NTM: variants seen among roughly 807,000 people sequenced by gnomAD.
NTM encodes neurotrimin, also known as IgLON family member 2.
Under a neutral mutation model 42.1 loss-of-function variants are expected in NTM, and 13 were observed. That is an observed-to-expected ratio of 0.31 (90% CI 0.20 to 0.49). The LOEUF is 0.49. NTM is among the 20% of genes least tolerant of loss of function. The probability of loss-of-function intolerance (pLI) is 0.99; values close to 1 mark genes in which losing one functional copy is unlikely to be tolerated. For synonymous variants in NTM, 187 were observed against 179.2 expected (o/e 1.04, Z -0.35); for missense variants, 373 against 452.8 (o/e 0.82, Z 1.60).
At chr11:131,969,415 G>A (rs566835072) in intron 2 of NTM, among the ~76,000 whole-genome samples, 7 of 152,174 alleles carry the variant, frequency 4.6e-5, no homozygotes, top group Non-Finnish European at 1.0e-4. Context: ...TGAATCATAT[G>A]TACTTGTTCA....
intron 1 of NTM, among the ~76,000 whole-genome samples, chr11:131,414,447 C>T (rs1232546499): frequency 6.6e-6 from 1 of 152,158 alleles, no homozygotes; most frequent in African/African-American, 2.4e-5. Context: ...CAAGTTTCTC[C>T]CATGATGAGT....
intron 2 of NTM, among the ~76,000 whole-genome samples, chr11:132,039,956 G>A (rs542326806): frequency 4.0e-5 from 6 of 151,812 alleles, no homozygotes; most frequent in East Asian, 1.9e-4. Flanking sequence ...ACAGAGTCTC[G>A]CTCTGTCACC....
chr11:131,768,161 C>T (rs556195485), intron 1 of NTM, among the ~76,000 whole-genome samples: 3 of 144,210 alleles, frequency 2.1e-5, no homozygotes, highest in African/African-American at 7.7e-5. Context: ...TTGCTCTTGT[C>T]GCCCAGGCTG....
At chr11:132,017,524 T>G (rs1284363106) in intron 2 of NTM, among the ~76,000 whole-genome samples, 1 of 152,090 alleles carries the variant, frequency 6.6e-6, no homozygotes, top group Non-Finnish European at 1.5e-5. Flanking sequence ...TCTAAATTTC[T>G]AACTTTGCAT....
At chr11:131,686,296 G>A (rs557089628) in intron 1 of NTM, among the ~76,000 whole-genome samples, 1 of 152,202 alleles carries the variant, frequency 6.6e-6, no homozygotes, top group South Asian at 2.1e-4. Context: ...ATAATTTACT[G>A]TTGCCCAGAA....
rs541251130 is a variant in NTM, at chr11:131,953,191, CA to C, written c.167+41545del. Among the ~76,000 whole-genome samples, 535 of 152,238 alleles carry C rather than the reference CA, an allele frequency of 3.5e-3. 2 individuals are homozygous for C. The highest frequency in any genetic ancestry group is 0.01 in the Middle Eastern group (3 of 294). ...AAGACCGGACCATCTGTTGCCATGG[CA>C]ACATTCATTGGTTTTACAATAAACA... On this transcript the variant is annotated intron_variant, in intron 2 of 8. Transcript: ENST00000683400.
At chr11:132,253,275 A>G (rs896199620) in intron 4 of NTM, among the ~76,000 whole-genome samples, 4 of 152,132 alleles carry the variant, frequency 2.6e-5, no homozygotes, top group African/African-American at 9.7e-5. Context: ...AATCCTCACT[A>G]TGATCCCACA....
intron 5 of NTM, 38 bp downstream of exon 5, chr11:132,307,861 C>T: frequency 6.2e-7 from 1 of 1,600,466 alleles, no homozygotes; most frequent in Non-Finnish European, 8.5e-7. Context: ...GCACGTGCAT[C>T]AGGCTGGCCT....
intron 2 of NTM, among the ~76,000 whole-genome samples, chr11:131,997,255 G>A (rs758636260): frequency 1.8e-4 from 28 of 152,134 alleles, no homozygotes; most frequent in South Asian, 2.1e-4. Flanking sequence ...CCAGCCTCTC[G>A]CCCTGCCTGG....
At position 132,206,981 on chromosome 11, in the gene NTM, A is replaced by G. The variant is rs190753350; in HGVS notation, c.401-5041A>G. The stretch of plus-strand genomic sequence containing the variant: ...GCCCTGTTTCCTCAAACAGATTGTA[A>G]GTTCATAGAGGGCCAGGCAAATTGG... On this transcript the variant is annotated intron_variant, in intron 3 of 8. Transcript: ENST00000683400. Among the ~76,000 whole-genome samples the G allele has an allele frequency of 7.9e-5, 12 of 152,324 alleles. No individual in the cohort carries two copies. In the East Asian group the frequency reaches 2.1e-3, roughly 27 times the overall value.
chr11:131,827,926 A>G (rs764583226), intron 1 of NTM, among the ~76,000 whole-genome samples: 1 of 152,124 alleles, frequency 6.6e-6, no homozygotes, highest in Non-Finnish European at 1.5e-5. Context: ...TTGGCACACA[A>G]ACCAGTTCTC....
At chr11:132,328,626 G>T (rs767900292) in intron 7 of NTM, among the ~76,000 whole-genome samples, 1 of 151,974 alleles carries the variant, frequency 6.6e-6, no homozygotes, top group African/African-American at 2.4e-5. Context: ...GAACCAGTAC[G>T]CCCATCACTG....
intron 1 of NTM, among the ~76,000 whole-genome samples, chr11:131,502,263 T>G (rs1287050424): frequency 6.6e-6 from 1 of 152,134 alleles, no homozygotes; most frequent in East Asian, 1.9e-4. Flanking sequence ...GCTGCCCTTA[T>G]GAAGGAGCCT....
rs1249130601 is a variant in NTM at position 131,598,723 on chromosome 11, CT to C, written c.82+227838del. ...TCTTTCTTTCTTTCTTTCTTTCTTTCTTTCTTTCTTTCTTTCTTTCTTTCTT... is the reference window on the plus strand; with the variant it reads ...TCTTTCTTTCTTTCTTTCTTTCTTTCTTCTTTCTTTCTTTCTTTCTTTCTT... On this transcript the variant is annotated intron_variant, in intron 1 of 8. Coordinates refer to ENST00000683400, the MANE Select transcript of NTM (RefSeq NM_001352005.2). Among the ~76,000 whole-genome samples, 58 of 91,032 alleles carry C rather than the reference CT, an allele frequency of 6.4e-4. 1 individual carries two copies. The highest frequency in any genetic ancestry group is 2.1e-3 in the African/African-American group (54 of 25,294). The allele number at this position is 91,032 out of a possible 152,430, so 59.7% of individuals were successfully genotyped here.
At chr11:131,978,859 A>G (rs552954512) in intron 2 of NTM, among the ~76,000 whole-genome samples, 28 of 152,322 alleles carry the variant, frequency 1.8e-4, no homozygotes, top group African/African-American at 6.3e-4. Flanking sequence ...TTTCACCTGC[A>G]TACTTGAATG....
At chr11:131,717,898 G>A (rs2077891668) in intron 1 of NTM, among the ~76,000 whole-genome samples, 1 of 152,120 alleles carries the variant, frequency 6.6e-6, no homozygotes, top group Non-Finnish European at 1.5e-5. Context: ...TTAATTTGCT[G>A]AGAGGTTTAT....
At chr11:132,163,006 C>T (rs1347971494) in intron 3 of NTM, among the ~76,000 whole-genome samples, 1 of 152,110 alleles carries the variant, frequency 6.6e-6, no homozygotes, top group Non-Finnish European at 1.5e-5. Flanking sequence ...TCCCCTGGTC[C>T]ACCCCAAGAG....
At chr11:131,448,335 C>A (rs1950223354) in intron 1 of NTM, among the ~76,000 whole-genome samples, 1 of 152,220 alleles carries the variant, frequency 6.6e-6, no homozygotes, top group East Asian at 1.9e-4. Flanking sequence ...TTTCTGCCCC[C>A]ATGGACTCAT....
chr11:132,233,223 C>T (rs1035488807), intron 4 of NTM, among the ~76,000 whole-genome samples: 1 of 152,146 alleles, frequency 6.6e-6, no homozygotes, highest in African/African-American at 2.4e-5. Context: ...TCAAGACCAC[C>T]TGGCCAACAT....
Sources: gnomAD v4.1 joint callset for allele counts (sites outside exome capture counted in the v4.1 genomes callset) on GRCh38, gnomAD v4.1.1 for gene constraint, MANE v1.5 for transcripts, NCBI Gene and HGNC (gene_info 2026-07-23, HGNC 2026-07-21) for gene names.